PTCHD4: variants seen among roughly 807,000 people sequenced by gnomAD.
PTCHD4 encodes patched domain-containing protein 4.
PTCHD4 carries 33 observed loss-of-function variants against 58.1 expected under a neutral mutation model. The ratio of observed to expected loss-of-function variants is 0.57; its 90% CI spans 0.43 to 0.76. The LOEUF is 0.76. Among genes scored for constraint, PTCHD4 ranks in the 30% least tolerant of loss-of-function variants. The pLI is 0.00. For synonymous variants in PTCHD4, 478 were observed against 409.6 expected, an observed-to-expected ratio of 1.17 and a Z score of -2.02; for missense variants, 1,058 against 1,027.1, an observed-to-expected ratio of 1.03 and a Z score of -0.41.
chr6:47,979,534 G>C (rs775326091), intron 4 of PTCHD4, among the ~76,000 whole-genome samples: 6 of 151,896 alleles, frequency 4.0e-5, no homozygotes, highest in Non-Finnish European at 8.8e-5. Context: ...AATTCTTTCA[G>C]CTTTTTTGGT....
chr6:47,990,482 G>T (rs1581982242), intron 4 of PTCHD4, among the ~76,000 whole-genome samples: 1 of 152,192 alleles, frequency 6.6e-6, no homozygotes, highest in Non-Finnish European at 1.5e-5. Flanking sequence ...TTTGAATCAT[G>T]GGGGCAGTTT....
In PTCHD4 at chr6:47,866,017, C is replaced by T. The variant is rs761896317; in HGVS notation, c.*12286G>A. 3.3e-5 allele frequency among the ~76,000 whole-genome samples: 5 copies of T among 151,756 alleles called. No individual in the cohort carries two copies. Among genetic ancestry groups the T allele is most frequent in the Admixed American group, 6.6e-5 (1 of 15,204 alleles). On this transcript the variant is annotated 3_prime_UTR_variant, in exon 5 of 5. Transcript: ENST00000339488. Reference sequence around the variant, plus strand: ...GGTCCCGTCACATGGGGTGCTCAGGCCAATAATCTTACCTCATCTTAAGTG... The same window carrying T: ...GGTCCCGTCACATGGGGTGCTCAGGTCAATAATCTTACCTCATCTTAAGTG...
chr6:48,098,770 C>A (rs768568565), intron 1 of PTCHD4, among the ~76,000 whole-genome samples: 1 of 152,060 alleles, frequency 6.6e-6, no homozygotes, highest in Non-Finnish European at 1.5e-5. Context: ...CTTGTTAACT[C>A]CAGAGATGTC....
chr6:47,897,782 T>C lies in PTCHD4; in HGVS notation c.899-17846A>G, dbSNP rs191418398. 2.0e-5 allele frequency among the ~76,000 whole-genome samples: 3 copies of C among 152,156 alleles called. No individual in the cohort carries two copies. The East Asian group carries it at 5.8e-4, about 29-fold the overall frequency. ...ACAAAAAGCCTAGCAAGGAGGAGAG[T>C]TGATTTATTGAGATGATGGATTGCC... On this transcript the variant is annotated intron_variant, in intron 4 of 4. Coordinates refer to ENST00000339488, the MANE Select transcript of PTCHD4 (RefSeq NM_001384253.1).
At chr6:47,980,196 C>A (rs1237947284) in intron 4 of PTCHD4, among the ~76,000 whole-genome samples, 1 of 151,884 alleles carries the variant, frequency 6.6e-6, no homozygotes, top group Non-Finnish European at 1.5e-5. Flanking sequence ...TATAAGAAAA[C>A]TAAAACCTGA....
chr6:47,873,944 C>G lies in PTCHD4; in HGVS notation c.*4359G>C, dbSNP rs931133726. 6.6e-6 allele frequency among the ~76,000 whole-genome samples: 1 copy of G among 151,590 alleles called. No homozygotes were observed. The highest frequency in any genetic ancestry group is 1.5e-5 in the Non-Finnish European group (1 of 67,768). ...TTCAGATTCACTTTTGCAAAGATTG[C>G]CAATATCCTTCGCAGACACCAACAA... On this transcript the variant is annotated 3_prime_UTR_variant, in exon 5 of 5. Transcript: ENST00000339488.
intron 3 of PTCHD4, among the ~76,000 whole-genome samples, chr6:48,041,765 GA>G (rs1763856526): frequency 6.6e-6 from 1 of 151,828 alleles, no homozygotes; most frequent in East Asian, 1.9e-4. Context: ...CCAGAAAACT[GA>G]CCTGAATTTG....
chr6:48,016,150 G>C (rs1762861586), intron 3 of PTCHD4, among the ~76,000 whole-genome samples: 1 of 151,876 alleles, frequency 6.6e-6, no homozygotes, highest in South Asian at 2.1e-4. Flanking sequence ...AACAGACAGG[G>C]GGACTTAGGG....
chr6:48,016,806 T>C (rs1762884572), intron 3 of PTCHD4, among the ~76,000 whole-genome samples: 1 of 150,592 alleles, frequency 6.6e-6, no homozygotes. Flanking sequence ...GAGACATTAA[T>C]GTCACAGACA....
At chr6:47,936,549 A>T (rs1030837876) in intron 4 of PTCHD4, among the ~76,000 whole-genome samples, 1 of 152,216 alleles carries the variant, frequency 6.6e-6, no homozygotes, top group African/African-American at 2.4e-5. Flanking sequence ...CAAATCCAGA[A>T]TTTCAAACCA....
intron 4 of PTCHD4, among the ~76,000 whole-genome samples, chr6:47,906,730 T>A (rs2113860189): frequency 6.6e-6 from 1 of 152,336 alleles, no homozygotes; most frequent in Non-Finnish European, 1.5e-5. Context: ...GTAATTATGG[T>A]GAAATCTCTG....
chr6:47,966,176 A>G (rs1283708089), intron 4 of PTCHD4, among the ~76,000 whole-genome samples: 1 of 152,212 alleles, frequency 6.6e-6, no homozygotes, highest in African/African-American at 2.4e-5. Flanking sequence ...TCATACAGGC[A>G]TACTTTGATT....
chr6:47,878,619 T>C lies in PTCHD4; in HGVS notation c.2216A>G (p.His739Arg). The change falls in exon 5 of 5, where the codon CAC becomes CGC. Residue 739 changes from histidine (H) to arginine (R), a missense_variant. His to Arg is a conservative substitution (Grantham distance 29). Transcript: ENST00000339488. ...LLFTFVLATE[H>R]TRTQCIKSSL... Reference sequence around the variant, plus strand: ...GCTTTTTATACATTGTGTTCGGGTGTGCTCAGTTGCTAATACAAATGTGAA... The same window carrying C: ...GCTTTTTATACATTGTGTTCGGGTGCGCTCAGTTGCTAATACAAATGTGAA... 6.2e-7 allele frequency: 1 copy of C among 1,613,612 alleles called. No homozygotes were observed. Among genetic ancestry groups the C allele is most frequent in the Non-Finnish European group, 8.5e-7 (1 of 1,179,758 alleles).
At chr6:48,064,490 C>T (rs539246402) in intron 3 of PTCHD4, among the ~76,000 whole-genome samples, 1 of 152,032 alleles carries the variant, frequency 6.6e-6, no homozygotes, top group African/African-American at 2.4e-5. Flanking sequence ...AAGTATTTTA[C>T]TTAAAAATTC....
rs372884493 is a variant in PTCHD4, at chr6:47,952,367, C to T, written c.898+56267G>A. ...ATTTTTTGTTGTCGGTCTATCAACA[C>T]CAAAAGTTATGAGTTCCTTCAGAGG... is the stretch of plus-strand genomic sequence containing the variant. On this transcript the variant is annotated intron_variant, in intron 4 of 4. Coordinates refer to ENST00000339488, the MANE Select transcript of PTCHD4 (RefSeq NM_001384253.1). 1.1e-3 allele frequency among the ~76,000 whole-genome samples: 165 copies of T among 152,186 alleles called. 1 individual carries two copies. In the South Asian group the frequency reaches 0.032, roughly 29 times the overall value.
chr6:47,901,563 CT>C (rs1215734381), intron 4 of PTCHD4: 1 of 1,033,450 alleles, frequency 9.7e-7, no homozygotes, highest in Non-Finnish European at 1.2e-6. Flanking sequence ...ACTTATAATG[CT>C]TCCATATGAT....
chr6:47,891,021 A>T (rs2114124803), intron 4 of PTCHD4: 1 of 201,720 alleles, frequency 5.0e-6, no homozygotes, highest in African/African-American at 2.4e-5. Context: ...CAGCTTGGCC[A>T]ACATGGTGAG....
chr6:48,064,908 C>A (rs2113874040), intron 3 of PTCHD4, among the ~76,000 whole-genome samples: 1 of 152,246 alleles, frequency 6.6e-6, no homozygotes, highest in Non-Finnish European at 1.5e-5. Flanking sequence ...GGCATATTTT[C>A]TACACAGCTT....
chr6:48,011,434 G>A (rs1424074511), intron 3 of PTCHD4, among the ~76,000 whole-genome samples: 3 of 150,576 alleles, frequency 2.0e-5, no homozygotes, highest in African/African-American at 7.3e-5. Context: ...TTTTTTTCTT[G>A]TAAATTTGGT....
Sources: allele counts gnomAD v4.1 joint callset (sites outside exome capture counted in the v4.1 genomes callset), GRCh38; gene constraint gnomAD v4.1.1; transcripts MANE v1.5; gene names NCBI Gene and HGNC (gene_info 2026-07-23, HGNC 2026-07-21).